Variants in MYO3A observed in about 807,000 individuals in gnomAD.
MYO3A encodes myosin IIIA.
In MYO3A, 180 loss-of-function variants were observed where a neutral mutation model predicts 192.7. That is an observed-to-expected ratio of 0.93 (90% confidence interval 0.83 to 1.06). The LOEUF is 1.06. Ranked by LOEUF, MYO3A falls within the 50% of genes least tolerant of loss-of-function variation. The probability of loss-of-function intolerance (pLI) is 0.00; values close to 1 mark genes in which losing one functional copy is unlikely to be tolerated. For missense variants in MYO3A, 1,896 were observed against 1,905.0 expected, an observed-to-expected ratio of 1.00 and a Z score of 0.09; for synonymous variants, 628 against 645.3, an observed-to-expected ratio of 0.97 and a Z score of 0.41.
intron 10 of MYO3A, among the ~76,000 whole-genome samples, chr10:26,048,355 GT>G (rs201965583): frequency 8.8e-4 from 116 of 131,122 alleles, no homozygotes; most frequent in East Asian, 2.7e-3. Flanking sequence ...AATACAGCTT[GT>G]TTTTTTTTTT....
chr10:26,033,922 A>T (rs2131168539), intron 10 of MYO3A, among the ~76,000 whole-genome samples: 2 of 152,280 alleles, frequency 1.3e-5, no homozygotes, highest in African/African-American at 4.8e-5. Flanking sequence ...GCAAGCATTT[A>T]ATCAAGCTGT....
chr10:25,936,191 A>G (rs535681269), intron 2 of MYO3A, among the ~76,000 whole-genome samples: 1 of 152,174 alleles, frequency 6.6e-6, no homozygotes, highest in East Asian at 1.9e-4. Flanking sequence ...ACATAATTTG[A>G]TAGCATCATC....
At chr10:26,014,888 C>G (rs979098866) in intron 6 of MYO3A, among the ~76,000 whole-genome samples, 154 of 152,198 alleles carry the variant, frequency 1.0e-3, no homozygotes, top group African/African-American at 3.5e-3. Flanking sequence ...GTTGTCTGGT[C>G]TATTTGAGCC....
chr10:26,077,430 A>G lies in MYO3A; in HGVS notation c.1359+7029A>G, dbSNP rs1835662738. 2.0e-5 allele frequency among the ~76,000 whole-genome samples: 3 copies of G among 151,774 alleles called. No individual in the cohort carries two copies. In the South Asian group the frequency reaches 6.3e-4, roughly 32 times the overall value. On this transcript the variant is annotated intron_variant, in intron 14 of 34. Transcript: ENST00000642920. ...CTTAGGGTTTTCAAGGTAAATTATC[A>G]TATCATCAGCAAATAGTGACAGTTC...
At chr10:26,138,112 A>G (rs1241584626) in intron 20 of MYO3A, among the ~76,000 whole-genome samples, 1 of 152,094 alleles carries the variant, frequency 6.6e-6, no homozygotes, top group African/African-American at 2.4e-5. Context: ...GATCTTTGTG[A>G]CCTACTCCCT....
intron 21 of MYO3A, 43 bp from the exon 22 acceptor site, chr10:26,145,403 A>C: frequency 7.5e-7 from 1 of 1,328,800 alleles, no homozygotes; most frequent in Non-Finnish European, 1.1e-6. Flanking sequence ...TTTTTTGAGG[A>C]TCTCATACAT....
chr10:26,121,200 A>G (rs1156423421), intron 18 of MYO3A, among the ~76,000 whole-genome samples: 1 of 151,286 alleles, frequency 6.6e-6, no homozygotes, highest in Admixed American at 6.6e-5. Context: ...TGGATTCTAC[A>G]GCCATTCATC....
intron 2 of MYO3A, among the ~76,000 whole-genome samples, chr10:25,936,691 C>T (rs1247120075): frequency 2.6e-5 from 4 of 152,146 alleles, no homozygotes; most frequent in Non-Finnish European, 5.9e-5. Context: ...CTCTTTTGAA[C>T]TAAAATCATC....
intron 10 of MYO3A, among the ~76,000 whole-genome samples, chr10:26,031,653 A>G (rs1052445259): frequency 6.6e-6 from 1 of 152,184 alleles, no homozygotes; most frequent in African/African-American, 2.4e-5. Context: ...CATTATATGG[A>G]ATATTTTTTA....
rs896100574 is a variant in MYO3A at position 26,174,052 on chromosome 10, T to A, written c.3788T>A (p.Ile1263Lys). ...GCAGCATATCTAGAAAGGAAGGCCA[T>A]ATCAGAAAGGCCAAGCTACCCAGTG... is the stretch of plus-strand genomic sequence containing the variant. ...SKAAYLERKA[I>K]SERPSYPVPW... The change falls in exon 30 of 35, where the codon ATA becomes AAA. Residue 1263 changes from isoleucine to lysine, a missense_variant. Ile to Lys is a moderately radical substitution (Grantham distance 102, BLOSUM62 -3). Coordinates refer to ENST00000642920, the MANE Select transcript of MYO3A (RefSeq NM_017433.5). The A allele has an allele frequency of 1.9e-6, 3 of 1,613,968 alleles. No individual in the cohort carries two copies. Among genetic ancestry groups the A allele is most frequent in the Non-Finnish European group, 2.5e-6 (3 of 1,180,012 alleles).
chr10:26,055,175 A>G (rs74126374), intron 10 of MYO3A, among the ~76,000 whole-genome samples: 24,689 of 152,016 alleles, frequency 0.16, 2,284 homozygotes, highest in Non-Finnish European at 0.21. Flanking sequence ...GCTTCTGGCC[A>G]AGGGTAGTGA....
At chr10:26,089,457 C>T (rs1191030236) in intron 15 of MYO3A, among the ~76,000 whole-genome samples, 4 of 151,952 alleles carry the variant, frequency 2.6e-5, no homozygotes, top group Non-Finnish European at 4.4e-5. Flanking sequence ...AAAAATTAGC[C>T]GGGCGTGGTG....
intron 11 of MYO3A, 74 bp from the exon 12 acceptor site, chr10:26,068,694 T>G (rs1248554389): frequency 3.1e-6 from 3 of 979,378 alleles, no homozygotes; most frequent in Non-Finnish European, 4.8e-6. Context: ...TTCTGTTTAT[T>G]ATTGTTTACT....
intron 23 of MYO3A, among the ~76,000 whole-genome samples, chr10:26,152,406 A>G (rs955571911): frequency 5.9e-5 from 9 of 152,356 alleles, no homozygotes; most frequent in East Asian, 3.9e-4. Flanking sequence ...AGGTTTCCCA[A>G]TGGAAAATGT....
rs59643061 is a variant in MYO3A at position 26,065,605 on chromosome 10, A to AT, written c.954-1370_954-1369insT. Among the ~76,000 whole-genome samples the AT allele has an allele frequency of 1.2e-3, 145 of 118,762 alleles. 12 individuals are homozygous for AT. Among genetic ancestry groups the AT allele is most frequent in the Admixed American group, 3.2e-3 (35 of 11,110 alleles). The allele number at this position is 118,762 out of a possible 152,430, so 77.9% of individuals were successfully genotyped here. A position where few individuals can be genotyped will look rare whatever the true frequency, so the allele number is the denominator to read the frequency against. On this transcript the variant is annotated intron_variant, in intron 10 of 34. Transcript: ENST00000642920. The stretch of plus-strand genomic sequence containing the variant: ...ATCTCCAAAAAAAAAAAAAAAAAAA[A>AT]AAAAAAAAGTATACATAATTCTTTT...
intron 4 of MYO3A, among the ~76,000 whole-genome samples, chr10:25,974,433 A>T (rs1433570131): frequency 6.6e-6 from 1 of 152,174 alleles, no homozygotes; most frequent in African/African-American, 2.4e-5. Flanking sequence ...CTTAGGCTTT[A>T]ATTTTCCCAC....
intron 15 of MYO3A, among the ~76,000 whole-genome samples, chr10:26,095,022 G>T (rs533705495): frequency 8.5e-5 from 13 of 152,218 alleles, no homozygotes; most frequent in Admixed American, 7.2e-4. Flanking sequence ...GGCTGTGGAG[G>T]GGGTGAAGGA....
chr10:25,954,779 A>C lies in MYO3A; in HGVS notation c.169-95A>C, dbSNP rs1163559334. 4.6e-6 allele frequency: 6 copies of C among 1,315,070 alleles called. No homozygotes were observed. The African/African-American group carries it at 8.7e-5, about 19-fold the overall frequency. 81.5% of individuals were successfully genotyped at this position (1,315,070 alleles called of 1,614,324 possible). A position where few individuals can be genotyped will look rare whatever the true frequency, so the allele number is the denominator to read the frequency against. Reference sequence around the variant, plus strand: ...CAGTAAAAACTATTATGACCTTGACATAATGAAATTCTGTATTTGGTATTC... The same window carrying C: ...CAGTAAAAACTATTATGACCTTGACCTAATGAAATTCTGTATTTGGTATTC... On this transcript the variant is annotated intron_variant, in intron 3 of 34. Coordinates refer to ENST00000642920, the MANE Select transcript of MYO3A (RefSeq NM_017433.5).
intron 31 of MYO3A, among the ~76,000 whole-genome samples, chr10:26,179,745 T>C (rs1842528004): frequency 6.6e-6 from 1 of 152,218 alleles, no homozygotes; most frequent in African/African-American, 2.4e-5. Flanking sequence ...AAGAAAAATA[T>C]ACGAAGTTAC....
Sources: gnomAD v4.1 joint callset for allele counts (sites outside exome capture counted in the v4.1 genomes callset) on GRCh38, gnomAD v4.1.1 for gene constraint, MANE v1.5 for transcripts, NCBI Gene and HGNC (gene_info 2026-07-23, HGNC 2026-07-21) for gene names.